Variants in ZDHHC14 observed in about 807,000 individuals in gnomAD.
ZDHHC14 encodes palmitoyltransferase ZDHHC14.
ZDHHC14 carries 16 observed loss-of-function variants against 47.7 expected under a neutral mutation model. The observed-to-expected ratio is 0.34, with a 90% CI of 0.23 to 0.51. The LOEUF is 0.51. Among genes scored for constraint, ZDHHC14 ranks in the 20% least tolerant of loss-of-function variants. The pLI is 0.97. For synonymous variants in ZDHHC14, 293 were observed against 278.9 expected (o/e 1.05, Z -0.50); for missense variants, 515 against 662.5 (o/e 0.78, Z 2.44).
At chr6:157,569,518 T>G (rs751998809) in intron 2 of ZDHHC14, among the ~76,000 whole-genome samples, 5 of 152,150 alleles carry the variant, frequency 3.3e-5, no homozygotes, top group Non-Finnish European at 5.9e-5. Flanking sequence ...TGATTTCCCC[T>G]TATTATTTTA....
rs187778720 is a variant in ZDHHC14 at position 157,555,932 on chromosome 6, A to G, written c.406+13187A>G. On this transcript the variant is annotated intron_variant, in intron 2 of 8. Transcript: ENST00000359775. Reference sequence around the variant, plus strand: ...TGAGGGCTGAAGGGACCGTCCGCCTAGGAGGGGATCAGGAGGGATTAATCA... The same window carrying G: ...TGAGGGCTGAAGGGACCGTCCGCCTGGGAGGGGATCAGGAGGGATTAATCA... Among the ~76,000 whole-genome samples the G allele has an allele frequency of 2.6e-4, 40 of 152,286 alleles. No homozygotes were observed. The East Asian group carries it at 4.6e-3, about 18-fold the overall frequency.
intron 2 of ZDHHC14, among the ~76,000 whole-genome samples, chr6:157,552,713 G>A (rs1325800297): frequency 6.6e-6 from 1 of 152,168 alleles, no homozygotes; most frequent in Non-Finnish European, 1.5e-5. Context: ...GACTTAGAGA[G>A]CAGAGGCTGC....
chr6:157,629,467 G>C (rs1386918520), intron 4 of ZDHHC14: 1 of 152,170 alleles, frequency 6.6e-6, no homozygotes, highest in East Asian at 1.9e-4. Context: ...GGCGTGGGCT[G>C]GGCTCAGGCT....
intron 1 of ZDHHC14, among the ~76,000 whole-genome samples, chr6:157,462,414 C>T (rs1383405458): frequency 6.6e-6 from 1 of 152,200 alleles, no homozygotes; most frequent in Non-Finnish European, 1.5e-5. Flanking sequence ...AGCCATAAGC[C>T]TGCATTATGT....
intron 1 of ZDHHC14, among the ~76,000 whole-genome samples, chr6:157,388,456 A>G (rs992100946): frequency 1.2e-4 from 19 of 152,218 alleles, no homozygotes; most frequent in Admixed American, 2.0e-4. Context: ...TGTCTTAGCA[A>G]GAAAATTTAA....
chr6:157,673,796 C>T lies in ZDHHC14; in HGVS notation c.*674C>T, dbSNP rs1361280030. ...CTGCAGAGGGCGGCTGGGGTTCCGT[C>T]GTGTCGGGTGTCACTTCACCTTCTG... On this transcript the variant is annotated 3_prime_UTR_variant, in exon 9 of 9. Transcript: ENST00000359775. The surrounding 1 kb of genome is among the most constrained non-coding windows in gnomAD (Gnocchi z 5.4). The T allele has an allele frequency of 6.6e-6, 1 of 152,668 alleles. No homozygotes were observed. The highest frequency in any genetic ancestry group is 1.5e-5 in the Non-Finnish European group (1 of 68,094). The allele number at this position is 152,668 out of a possible 1,614,324, so 9.5% of individuals were successfully genotyped here. A position where few individuals can be genotyped will look rare whatever the true frequency, so the allele number is the denominator to read the frequency against.
intron 1 of ZDHHC14, among the ~76,000 whole-genome samples, chr6:157,471,207 C>CA (rs952794561): frequency 2.0e-5 from 3 of 152,186 alleles, no homozygotes; most frequent in Non-Finnish European, 4.4e-5. Flanking sequence ...ATGGGACTGG[C>CA]GCGGGGTCCA....
At chr6:157,473,401 G>A (rs1486417176) in intron 1 of ZDHHC14, among the ~76,000 whole-genome samples, 3 of 152,180 alleles carry the variant, frequency 2.0e-5, no homozygotes, top group Admixed American at 2.0e-4. Flanking sequence ...ATATAAGTGA[G>A]ATTATGCAGT....
chr6:157,406,721 A>G (rs1777773518), intron 1 of ZDHHC14, among the ~76,000 whole-genome samples: 2 of 152,370 alleles, frequency 1.3e-5, no homozygotes, highest in African/African-American at 4.8e-5. Context: ...TAATTCCATG[A>G]GGTCTACAGT....
chr6:157,389,890 CAT>C lies in ZDHHC14; in HGVS notation c.245+7627_245+7628del, dbSNP rs542632885. The stretch of plus-strand genomic sequence containing the variant: ...GAAAAATAAATTTATGTAAAATAAA[CAT>C]ATTTTAAAACACATATACACACGTA... On this transcript the variant is annotated intron_variant, in intron 1 of 8. Transcript: ENST00000359775. 3.7e-3 allele frequency among the ~76,000 whole-genome samples: 561 copies of C among 151,966 alleles called. 5 individuals are homozygous for C. Among genetic ancestry groups the C allele is most frequent in the African/African-American group, 0.012 (501 of 41,456 alleles).
Position 157,678,115 on chromosome 6 carries a change from T to A in ZDHHC14, c.*4993T>A, listed in dbSNP as rs1885453. On this transcript the variant is annotated 3_prime_UTR_variant, in exon 9 of 9. Transcript: ENST00000359775. ...CTTAAACCTGAGATGAATTAAAAAA[T>A]TTTTCTCCTTCAATAAAAACTGCTA... 106,549 of 152,072 alleles carry A rather than the reference T, an allele frequency of 0.7. 37,548 individuals are homozygous for A. Among genetic ancestry groups the A allele is most frequent in the African/African-American group, 0.76 (31,452 of 41,460 alleles). The allele number at this position is 152,072 out of a possible 1,614,324, so 9.4% of individuals were successfully genotyped here. A position where few individuals can be genotyped will look rare whatever the true frequency, so the allele number is the denominator to read the frequency against.
At chr6:157,570,802 TAC>T (rs1362049544) in intron 2 of ZDHHC14, among the ~76,000 whole-genome samples, 26 of 150,598 alleles carry the variant, frequency 1.7e-4, no homozygotes, top group East Asian at 1.2e-3. Context: ...CACATATATA[TAC>T]ACACACACAC....
At chr6:157,405,264 G>A (rs1213515878) in intron 1 of ZDHHC14, among the ~76,000 whole-genome samples, 2 of 152,024 alleles carry the variant, frequency 1.3e-5, no homozygotes, top group Non-Finnish European at 2.9e-5. Flanking sequence ...ATGGAGTCTC[G>A]CTGTCTCGCC....
intron 2 of ZDHHC14, among the ~76,000 whole-genome samples, chr6:157,546,869 T>C (rs1235601681): frequency 6.6e-6 from 1 of 152,208 alleles, no homozygotes; most frequent in Non-Finnish European, 1.5e-5. Flanking sequence ...CGTTCCACCG[T>C]CCTGACCCGA....
At chr6:157,448,332 G>C (rs181441313) in intron 1 of ZDHHC14, among the ~76,000 whole-genome samples, 2 of 152,120 alleles carry the variant, frequency 1.3e-5, no homozygotes, top group African/African-American at 4.8e-5. Flanking sequence ...CCTGTCTAGA[G>C]TGTGTGTCTG....
At chr6:157,533,360 G>T (rs983176028) in intron 1 of ZDHHC14, among the ~76,000 whole-genome samples, 1 of 152,188 alleles carries the variant, frequency 6.6e-6, no homozygotes, top group Admixed American at 6.5e-5. Flanking sequence ...GCTGGAAGGG[G>T]TTGGGGTTGG....
chr6:157,401,058 C>A (rs1024598132), intron 1 of ZDHHC14, among the ~76,000 whole-genome samples: 14 of 152,200 alleles, frequency 9.2e-5, no homozygotes, highest in African/African-American at 3.4e-4. Context: ...GCTGTTAAAC[C>A]TAGGTGCATC....
chr6:157,653,504 G>A, intron 7 of ZDHHC14, 21 bp from the exon 8 acceptor site: 1 of 1,612,574 alleles, frequency 6.2e-7, no homozygotes, highest in South Asian at 1.1e-5. Context: ...TCTTCCTGCT[G>A]TGTTTTCTTT....
chr6:157,561,530 C>T (rs1197880835), intron 2 of ZDHHC14, among the ~76,000 whole-genome samples: 2 of 152,150 alleles, frequency 1.3e-5, no homozygotes, highest in African/African-American at 2.4e-5. Flanking sequence ...GCTGTCCCGG[C>T]GCTCAGATAC....
Sources: gnomAD v4.1 joint callset for allele counts (sites outside exome capture counted in the v4.1 genomes callset) on GRCh38, gnomAD v4.1.1 for gene constraint, Gnocchi (gnomAD v3.1) non-coding constraint, MANE v1.5 for transcripts, NCBI Gene and HGNC (gene_info 2026-07-23, HGNC 2026-07-21) for gene names.